EPYC: variants seen among roughly 807,000 people sequenced by gnomAD.
The protein encoded by EPYC is dermatan sulfate proteoglycan 3.
Under a neutral mutation model 30.1 loss-of-function variants are expected in EPYC, and 28 were observed. The ratio of observed to expected loss-of-function variants is 0.93; its 90% CI spans 0.69 to 1.28. EPYC has a LOEUF of 1.28. Ranked by LOEUF, EPYC falls within the 50% of genes most tolerant of loss-of-function variation. EPYC has a pLI of 0.00. For missense variants in EPYC, 382 were observed against 383.5 expected (o/e 1.00, Z 0.03); for synonymous variants, 144 against 141.4 (o/e 1.02, Z -0.13).
At chr12:90,984,454 C>A (rs1285900927) in intron 2 of EPYC, among the ~76,000 whole-genome samples, 1 of 152,086 alleles carries the variant, frequency 6.6e-6, no homozygotes, top group African/African-American at 2.4e-5. Context: ...CCCACAAACT[C>A]TGAAAAAGAT....
At chr12:90,989,512 T>C (rs1286336742) in intron 2 of EPYC, among the ~76,000 whole-genome samples, 1 of 151,982 alleles carries the variant, frequency 6.6e-6, no homozygotes, top group Non-Finnish European at 1.5e-5. Context: ...AACATGTACA[T>C]GCTTTTTTTT....
At chr12:90,964,654 T>A (rs1876850003) in intron 6 of EPYC, among the ~76,000 whole-genome samples, 1 of 151,962 alleles carries the variant, frequency 6.6e-6, no homozygotes, top group Non-Finnish European at 1.5e-5. Context: ...GAGGTAACAA[T>A]TGAACTGAGA....
intron 3 of EPYC, among the ~76,000 whole-genome samples, chr12:90,974,713 C>A (rs118168625): frequency 6.6e-6 from 1 of 152,054 alleles, no homozygotes; most frequent in Non-Finnish European, 1.5e-5. Flanking sequence ...GATTATTTGT[C>A]TGGAAACAGG....
At chr12:90,965,200 G>C (rs968190391) in intron 6 of EPYC, among the ~76,000 whole-genome samples, 1 of 151,882 alleles carries the variant, frequency 6.6e-6, no homozygotes, top group African/African-American at 2.4e-5. Flanking sequence ...ATTCTTTTTT[G>C]TTGTCCAATA....
chr12:90,984,582 G>C (rs1242599927), intron 2 of EPYC, among the ~76,000 whole-genome samples: 1 of 152,100 alleles, frequency 6.6e-6, no homozygotes, highest in African/African-American at 2.4e-5. Flanking sequence ...GATCTTTTCT[G>C]TAAGAGGGAA....
Position 90,964,106 on chromosome 12 carries a change from A to G in EPYC, c.*50T>C. On this transcript the variant is annotated 3_prime_UTR_variant, in exon 7 of 7. Coordinates refer to ENST00000261172, the MANE Select transcript of EPYC (RefSeq NM_004950.5). ...GAGTTTTGTTTTGGAAGAGAGCAGT[A>G]AGAATGGTTTATTTATAGTAGCCAT... The G allele has an allele frequency of 6.6e-7, 1 of 1,510,846 alleles. No homozygotes were observed. Among genetic ancestry groups the G allele is most frequent in the East Asian group, 2.3e-5 (1 of 43,774 alleles). 93.6% of individuals were successfully genotyped at this position (1,510,846 alleles called of 1,614,324 possible). A position where few individuals can be genotyped will look rare whatever the true frequency, so the allele number is the denominator to read the frequency against.
chr12:91,002,246 G>T (rs1053390895), intron 2 of EPYC, among the ~76,000 whole-genome samples, 155 bp downstream of exon 2: 2 of 134,498 alleles, frequency 1.5e-5, no homozygotes, highest in Non-Finnish European at 3.2e-5. Context: ...ACCTCCAAAA[G>T]ATTGAACATG....
At chr12:91,000,315 T>C (rs1877793410) in intron 2 of EPYC, among the ~76,000 whole-genome samples, 1 of 152,144 alleles carries the variant, frequency 6.6e-6, no homozygotes, top group Admixed American at 6.6e-5. Flanking sequence ...GCTTTATATT[T>C]GGTATTTCAC....
chr12:90,966,565 A>G (rs1876901355), intron 6 of EPYC, among the ~76,000 whole-genome samples: 1 of 152,082 alleles, frequency 6.6e-6, no homozygotes, highest in Non-Finnish European at 1.5e-5. Context: ...TTGCATCAAT[A>G]TTTATAAAGG....
intron 2 of EPYC, among the ~76,000 whole-genome samples, chr12:90,991,007 C>T (rs998280319): frequency 6.6e-6 from 1 of 151,958 alleles, no homozygotes; most frequent in African/African-American, 2.4e-5. Context: ...TAATTTCTTT[C>T]AATTTTATGT....
rs572426651 is a variant in EPYC at position 90,983,904 on chromosome 12, G to A, written c.166-5642C>T. Among the ~76,000 whole-genome samples, 9 of 152,192 alleles carry A rather than the reference G, an allele frequency of 5.9e-5. No homozygotes were observed. The South Asian group carries it at 1.5e-3, about 25-fold the overall frequency. On this transcript the variant is annotated intron_variant, in intron 2 of 6. Coordinates refer to ENST00000261172, the MANE Select transcript of EPYC (RefSeq NM_004950.5). Reference sequence around the variant, plus strand: ...TTTTTGCCCAAAGCCCCATTGGAGGGGGTTACTATCTGGAATTTTAGGATC... The same window carrying A: ...TTTTTGCCCAAAGCCCCATTGGAGGAGGTTACTATCTGGAATTTTAGGATC...
In EPYC at chr12:90,974,011, G is replaced by T. The variant is rs548779390; in HGVS notation, c.341-1031C>A. ...AGGCTGGGTTTTATCTTGACATACT[G>T]ATTTTTCTTTTCTGTCTTACACACA... On this transcript the variant is annotated intron_variant, in intron 3 of 6. Coordinates refer to ENST00000261172, the MANE Select transcript of EPYC (RefSeq NM_004950.5). 2.1e-5 allele frequency among the ~76,000 whole-genome samples: 3 copies of T among 145,064 alleles called. No homozygotes were observed. In the East Asian group the frequency reaches 6.2e-4, roughly 30 times the overall value.
At position 90,970,044 on chromosome 12, in the gene EPYC, C is replaced by T. The variant is rs769533477; in HGVS notation, c.798G>A (p.Gln266=). 1 of 1,611,736 alleles carries T rather than the reference C, an allele frequency of 6.2e-7. No individual in the cohort carries two copies. Among genetic ancestry groups the T allele is most frequent in the Non-Finnish European group, 8.5e-7 (1 of 1,177,908 alleles). ...GCGCACCTTACTGGTAGACTCCTACCTGGAGGTGAAGGGCTCGTAGATTTT... is the reference window on the plus strand; with the variant it reads ...GCGCACCTTACTGGTAGACTCCTACTTGGAGGTGAAGGGCTCGTAGATTTT... ...LPENLRALHL[Q]NNNILEMHED... The change falls in exon 6 of 7, where the codon CAG becomes CAA. Residue 266 remains glutamine, a splice_region_variant and synonymous_variant. Transcript: ENST00000261172.
chr12:90,963,873 C>A lies in EPYC; in HGVS notation c.*283G>T. On this transcript the variant is annotated 3_prime_UTR_variant, in exon 7 of 7. Coordinates refer to ENST00000261172, the MANE Select transcript of EPYC (RefSeq NM_004950.5). ...AATTTGAAATGATATAGGATATGAACTCCTAAAACTTGCAAGTGATACATG... is the reference window on the plus strand; with the variant it reads ...AATTTGAAATGATATAGGATATGAAATCCTAAAACTTGCAAGTGATACATG... 1 of 224,294 alleles carries A rather than the reference C, an allele frequency of 4.5e-6. No homozygotes were observed. 13.9% of individuals were successfully genotyped at this position (224,294 alleles called of 1,614,324 possible).
chr12:90,998,849 A>G (rs1231963411), intron 2 of EPYC, among the ~76,000 whole-genome samples: 1 of 152,038 alleles, frequency 6.6e-6, no homozygotes, highest in Non-Finnish European at 1.5e-5. Flanking sequence ...CACAAGGTCA[A>G]AGTCAAGGTG....
intron 2 of EPYC, among the ~76,000 whole-genome samples, chr12:90,985,858 C>T (rs190516752): frequency 1.3e-5 from 2 of 152,172 alleles, no homozygotes; most frequent in Admixed American, 6.5e-5. Context: ...TAAGTTTAAC[C>T]ATTGAAGGCC....
intron 2 of EPYC, among the ~76,000 whole-genome samples, chr12:90,981,604 T>A (rs1016896689): frequency 6.6e-6 from 1 of 152,140 alleles, no homozygotes; most frequent in Non-Finnish European, 1.5e-5. Flanking sequence ...AAAGTGCATT[T>A]AAATGATCTA....
intron 3 of EPYC, among the ~76,000 whole-genome samples, chr12:90,974,682 A>G (rs1877142381): frequency 6.6e-6 from 1 of 152,124 alleles, no homozygotes; most frequent in Non-Finnish European, 1.5e-5. Flanking sequence ...ATAGAAGAGC[A>G]CATTGATATA....
chr12:90,965,440 T>A (rs1272761881), intron 6 of EPYC, among the ~76,000 whole-genome samples: 1 of 152,172 alleles, frequency 6.6e-6, no homozygotes, highest in East Asian at 1.9e-4. Context: ...CAGACCGTTT[T>A]CCAAAGTAGG....
Sources: allele counts gnomAD v4.1 joint callset (sites outside exome capture counted in the v4.1 genomes callset), GRCh38; gene constraint gnomAD v4.1.1; transcripts MANE v1.5; gene names NCBI Gene and HGNC (gene_info 2026-07-23, HGNC 2026-07-21).